The following NELL1 variants were observed in gnomAD, a reference collection of about 807,000 sequenced individuals.
NELL1 encodes neural EGFL like 1.
In NELL1, 76 loss-of-function variants were observed where a neutral mutation model predicts 107.4. The observed-to-expected ratio is 0.71, with a 90% CI of 0.59 to 0.86. The LOEUF is 0.86. Ranked by LOEUF, NELL1 falls within the 40% of genes least tolerant of loss-of-function variation. NELL1 has a pLI of 0.00. For missense variants in NELL1, 1,024 were observed against 1,005.5 expected (o/e 1.02, Z -0.25); for synonymous variants, 353 against 341.2 (o/e 1.03, Z -0.38).
intron 12 of NELL1, among the ~76,000 whole-genome samples, chr11:21,077,509 G>A (rs1268951410): frequency 1.3e-5 from 2 of 152,176 alleles, no homozygotes; most frequent in East Asian, 3.9e-4. Flanking sequence ...TTGGGAGGGC[G>A]AGGCAGGTGG....
chr11:21,471,495 G>A (rs1051205403), intron 15 of NELL1, among the ~76,000 whole-genome samples: 3 of 151,966 alleles, frequency 2.0e-5, no homozygotes, highest in African/African-American at 7.2e-5. Context: ...TTAAATGATA[G>A]AGACTTTAAA....
intron 3 of NELL1, among the ~76,000 whole-genome samples, chr11:20,830,784 C>T (rs1182327557): frequency 6.6e-6 from 1 of 152,280 alleles, no homozygotes; most frequent in East Asian, 1.9e-4. Flanking sequence ...AAATCCATCA[C>T]TAATCTGTTC....
intron 14 of NELL1, among the ~76,000 whole-genome samples, chr11:21,301,473 A>G (rs12281982): frequency 0.25 from 37,303 of 151,964 alleles, 5,614 homozygotes; most frequent in Middle Eastern, 0.39. Context: ...TGTGGTTTTC[A>G]TTTTCATTTC....
At chr11:21,222,897 G>A (rs1171418862) in intron 13 of NELL1, among the ~76,000 whole-genome samples, 3 of 151,938 alleles carry the variant, frequency 2.0e-5, no homozygotes, top group Non-Finnish European at 2.9e-5. Flanking sequence ...TTCCATTGTG[G>A]TCTGTGAAGA....
intron 12 of NELL1, among the ~76,000 whole-genome samples, chr11:21,092,523 A>T (rs1433257794): frequency 6.6e-6 from 1 of 152,168 alleles, no homozygotes. Context: ...GAAACTGTGT[A>T]TTTCCTAAAA....
At position 21,459,370 on chromosome 11, in the gene NELL1, A is replaced by AAAAAAAAG. The variant is rs1853840220; in HGVS notation, c.1646-75004_1646-75003insAAAAAAAG. Among the ~76,000 whole-genome samples, 2 of 151,134 alleles carry AAAAAAAAG rather than the reference A, an allele frequency of 1.3e-5. 1 individual carries two copies. Among genetic ancestry groups the AAAAAAAAG allele is most frequent in the African/African-American group, 4.9e-5 (2 of 41,156 alleles). Reference sequence around the variant, plus strand: ...TGTGTTCACTAGCAAAAAAAAAAAAAGTAGGATTTGAAAACTTTGAAGATG... The same window carrying AAAAAAAAG: ...TGTGTTCACTAGCAAAAAAAAAAAAAAAAAAAAGGTAGGATTTGAAAACTTTGAAGATG... On this transcript the variant is annotated intron_variant, in intron 15 of 19. Coordinates refer to ENST00000357134, the MANE Select transcript of NELL1 (RefSeq NM_006157.5).
intron 15 of NELL1, among the ~76,000 whole-genome samples, chr11:21,425,392 C>T (rs890991512): frequency 7.9e-5 from 12 of 152,162 alleles, no homozygotes; most frequent in African/African-American, 2.7e-4. Context: ...GACTATATTA[C>T]CTTCCTTAGC....
At position 20,778,730 on chromosome 11, in the gene NELL1, C is replaced by T. The variant is rs1050804128; in HGVS notation, c.185-4950C>T. Among the ~76,000 whole-genome samples, 10 of 152,034 alleles carry T rather than the reference C, an allele frequency of 6.6e-5. No individual in the cohort carries two copies. In the East Asian group the frequency reaches 7.7e-4, roughly 12 times the overall value. On this transcript the variant is annotated intron_variant, in intron 2 of 19. Coordinates refer to ENST00000357134, the MANE Select transcript of NELL1 (RefSeq NM_006157.5). ...ATTCACTTTAAGTGGTTGTTGTGTG[C>T]GAAACTACCTTTATGCAATGGTAGC...
At chr11:20,772,597 C>T (rs565588621) in intron 2 of NELL1, among the ~76,000 whole-genome samples, 2 of 142,458 alleles carry the variant, frequency 1.4e-5, no homozygotes, top group Admixed American at 7.1e-5. Context: ...TGCCTATTAC[C>T]TAAATATTAG....
chr11:20,941,531 A>G (rs1319530200), intron 10 of NELL1, among the ~76,000 whole-genome samples: 1 of 150,840 alleles, frequency 6.6e-6, no homozygotes, highest in African/African-American at 2.4e-5. Flanking sequence ...CTCCTACATG[A>G]TATTTTTTTT....
intron 2 of NELL1, among the ~76,000 whole-genome samples, chr11:20,689,677 G>A (rs996390107): frequency 2.0e-5 from 3 of 148,058 alleles, no homozygotes; most frequent in African/African-American, 5.0e-5. Flanking sequence ...TCTTAATCCA[G>A]TCTATCATTG....
chr11:20,976,662 G>T (rs2051089293), intron 12 of NELL1, among the ~76,000 whole-genome samples: 1 of 152,144 alleles, frequency 6.6e-6, no homozygotes, highest in African/African-American at 2.4e-5. Context: ...TAACTTACTT[G>T]TACATGGAAT....
At chr11:21,087,082 G>A (rs11025910) in intron 12 of NELL1, among the ~76,000 whole-genome samples, 60 of 152,176 alleles carry the variant, frequency 3.9e-4, no homozygotes, top group Middle Eastern at 3.4e-3. Flanking sequence ...CTCGTGATCC[G>A]CACGCCTCGG....
intron 14 of NELL1, among the ~76,000 whole-genome samples, chr11:21,346,071 C>T (rs1850677463): frequency 6.6e-6 from 1 of 152,158 alleles, no homozygotes; most frequent in Non-Finnish European, 1.5e-5. Flanking sequence ...GGCTTAAGAT[C>T]ACCTTGGATT....
intron 16 of NELL1, among the ~76,000 whole-genome samples, chr11:21,553,991 C>T (rs1856649404): frequency 6.6e-6 from 1 of 151,752 alleles, no homozygotes; most frequent in Non-Finnish European, 1.5e-5. Context: ...AACCACCCTC[C>T]TACTCATAAG....
At chr11:21,214,703 T>G (rs1439541133) in intron 13 of NELL1, among the ~76,000 whole-genome samples, 2 of 142,944 alleles carry the variant, frequency 1.4e-5, no homozygotes, top group African/African-American at 5.2e-5. Context: ...ATCCTAGAAA[T>G]GTAAAAATGT....
chr11:20,811,153 G>C (rs1857493670), intron 3 of NELL1, among the ~76,000 whole-genome samples: 1 of 152,068 alleles, frequency 6.6e-6, no homozygotes, highest in Non-Finnish European at 1.5e-5. Flanking sequence ...CCCATTTTGA[G>C]TTAGTTATTG....
At position 21,560,356 on chromosome 11, in the gene NELL1, G is replaced by C; in HGVS notation, c.1954G>C (p.Asp652His). Residue 652 changes from aspartate (D) to histidine (H), a missense_variant, in exon 17 of 20, where the codon GAC becomes CAC. Transcript: ENST00000357134. ...TGGCCAGGTGTGGACCTTGAAAGAA[G>C]ACAGGTGTTCTGTCTGCTCCTGCAA... The part of the protein sequence containing the change: ...HNGQVWTLKE[D>H]RCSVCSCKDG... 1 of 1,599,792 alleles carries C rather than the reference G, an allele frequency of 6.3e-7. No homozygotes were observed. Among genetic ancestry groups the C allele is most frequent in the Non-Finnish European group, 8.5e-7 (1 of 1,173,470 alleles).
chr11:21,540,867 T>C (rs1426175734), intron 16 of NELL1, among the ~76,000 whole-genome samples: 3 of 152,026 alleles, frequency 2.0e-5, no homozygotes, highest in African/African-American at 7.2e-5. Flanking sequence ...TGAAGTCATT[T>C]AAAAAAAGAC....
Sources: gnomAD v4.1 joint callset for allele counts (sites outside exome capture counted in the v4.1 genomes callset) on GRCh38, gnomAD v4.1.1 for gene constraint, MANE v1.5 for transcripts, NCBI Gene and HGNC (gene_info 2026-07-23, HGNC 2026-07-21) for gene names.